LRMDA: variants seen among roughly 807,000 people sequenced by gnomAD.
LRMDA encodes the protein leucine-rich melanocyte differentiation-associated protein.
A neutral mutation model predicts 29.8 loss-of-function variants in LRMDA; 18 were observed. The ratio of observed to expected loss-of-function variants is 0.60; its 90% confidence interval spans 0.42 to 0.90. The LOEUF (loss-of-function observed/expected upper bound fraction) is 0.90. Ranked by LOEUF, LRMDA falls within the 40% of genes least tolerant of loss-of-function variation. LRMDA has a pLI of 0.00. For synonymous variants in LRMDA, 125 were observed against 109.4 expected (o/e 1.14, Z -0.89); for missense variants, 273 against 273.9 (o/e 1.00, Z 0.02).
chr10:75,981,313 C>T (rs1024020233), intron 2 of LRMDA, among the ~76,000 whole-genome samples: 5 of 152,196 alleles, frequency 3.3e-5, no homozygotes, highest in African/African-American at 1.2e-4. Flanking sequence ...TTATTGGGCT[C>T]TACTCTCTGC....
At chr10:75,506,841 G>C (rs766537816) in intron 2 of LRMDA, among the ~76,000 whole-genome samples, 2 of 152,196 alleles carry the variant, frequency 1.3e-5, no homozygotes, top group Non-Finnish European at 2.9e-5. Flanking sequence ...GTTGTTGTGG[G>C]AGGTTCTCTC....
chr10:76,509,908 G>A (rs1186544033), intron 6 of LRMDA, among the ~76,000 whole-genome samples: 1 of 152,188 alleles, frequency 6.6e-6, no homozygotes, highest in Non-Finnish European at 1.5e-5. Context: ...CTGAGAGCCT[G>A]GGCTGCCAAG....
At chr10:76,268,320 TCTC>T (rs1293856710) in intron 5 of LRMDA, among the ~76,000 whole-genome samples, 9 of 152,332 alleles carry the variant, frequency 5.9e-5, no homozygotes, top group Middle Eastern at 6.8e-3. Flanking sequence ...AAGTAGATCA[TCTC>T]CTCCTGTTGC....
chr10:75,516,555 T>A (rs1352781032), intron 2 of LRMDA, among the ~76,000 whole-genome samples: 1 of 151,644 alleles, frequency 6.6e-6, no homozygotes, highest in African/African-American at 2.4e-5. Flanking sequence ...GGGGTTGTTT[T>A]TTTTCTTGTT....
chr10:75,697,265 T>C (rs1842246786), intron 2 of LRMDA, among the ~76,000 whole-genome samples: 1 of 152,168 alleles, frequency 6.6e-6, no homozygotes, highest in South Asian at 2.1e-4. Flanking sequence ...CTAATTTGTC[T>C]GTTTCAGTAG....
chr10:75,747,631 G>A (rs985358845), intron 2 of LRMDA, among the ~76,000 whole-genome samples: 1 of 152,158 alleles, frequency 6.6e-6, no homozygotes, highest in African/African-American at 2.4e-5. Context: ...ATCTTGGAAT[G>A]CTGTATCCTT....
intron 6 of LRMDA, among the ~76,000 whole-genome samples, chr10:76,460,703 A>G (rs1453354061): frequency 1.3e-5 from 2 of 152,214 alleles, no homozygotes; most frequent in African/African-American, 4.8e-5. Flanking sequence ...GAAACGTAGA[A>G]GGGTGGATGG....
intron 5 of LRMDA, among the ~76,000 whole-genome samples, chr10:76,307,337 T>C (rs1475258924): frequency 6.6e-6 from 1 of 152,180 alleles, no homozygotes; most frequent in Non-Finnish European, 1.5e-5. Context: ...ATTGAGCCAC[T>C]GCATAATGAG....
chr10:76,061,148 A>G (rs566416894), intron 5 of LRMDA, among the ~76,000 whole-genome samples: 9 of 152,360 alleles, frequency 5.9e-5, no homozygotes, highest in African/African-American at 1.7e-4. Context: ...CAGATCAGAT[A>G]AAGAAAATGT....
At chr10:76,291,200 G>A in intron 5 of LRMDA, among the ~76,000 whole-genome samples, 1 of 152,150 alleles carries the variant, frequency 6.6e-6, no homozygotes, top group East Asian at 1.9e-4. Context: ...TTGTCTGTCT[G>A]CTGTCTTCAC....
intron 2 of LRMDA, among the ~76,000 whole-genome samples, chr10:75,636,845 CT>C (rs879617653): frequency 1.3e-3 from 187 of 144,752 alleles, no homozygotes; most frequent in Middle Eastern, 3.6e-3. Context: ...TTGGCAAAGA[CT>C]TTTTTTTTTT....
chr10:75,775,759 T>G (rs944576460), intron 2 of LRMDA, among the ~76,000 whole-genome samples: 1 of 152,224 alleles, frequency 6.6e-6, no homozygotes, highest in Admixed American at 6.5e-5. Context: ...CTTATGGCAT[T>G]GTCCAAGGTA....
chr10:76,533,719 G>A (rs926585966), intron 6 of LRMDA, among the ~76,000 whole-genome samples: 1 of 152,138 alleles, frequency 6.6e-6, no homozygotes, highest in Non-Finnish European at 1.5e-5. Flanking sequence ...AGTTATTTAA[G>A]TATTCCTGAG....
At chr10:76,179,512 G>A (rs560194793) in intron 5 of LRMDA, among the ~76,000 whole-genome samples, 3 of 152,212 alleles carry the variant, frequency 2.0e-5, no homozygotes, top group Non-Finnish European at 4.4e-5. Context: ...ATGGCTGGGA[G>A]GATCGGGAGC....
In LRMDA at chr10:75,605,349, T is replaced by G. The variant is rs531539703; in HGVS notation, c.131+166855T>G. On this transcript the variant is annotated intron_variant, in intron 2 of 6. Transcript: ENST00000611255. Reference sequence around the variant, plus strand: ...AGACAGTCTGTTCCACACTGTAGTTTACACCAGTCTTCAGTCAAGAGTCAG... The same window carrying G: ...AGACAGTCTGTTCCACACTGTAGTTGACACCAGTCTTCAGTCAAGAGTCAG... 4.8e-4 allele frequency among the ~76,000 whole-genome samples: 73 copies of G among 152,320 alleles called. No individual in the cohort carries two copies. The Middle Eastern group carries it at 0.01, about 21-fold the overall frequency.
At chr10:75,578,234 A>AAAAAAAAAAAAG in intron 2 of LRMDA, among the ~76,000 whole-genome samples, 1 of 147,578 alleles carries the variant, frequency 6.8e-6, no homozygotes, top group Non-Finnish European at 1.5e-5. Flanking sequence ...AAAAAAAAAA[A>AAAAAAAAAAAAG]AAAAAGCAGC....
At chr10:75,726,138 T>G (rs1842628413) in intron 2 of LRMDA, among the ~76,000 whole-genome samples, 1 of 152,204 alleles carries the variant, frequency 6.6e-6, no homozygotes, top group Admixed American at 6.5e-5. Context: ...AAAGATGCCC[T>G]GTATGTGGAA....
chr10:76,042,212 G>A (rs142814639), intron 3 of LRMDA, among the ~76,000 whole-genome samples: 79 of 152,312 alleles, frequency 5.2e-4, no homozygotes, highest in African/African-American at 1.8e-3. Context: ...GGGAGGAGGT[G>A]CTAGTGCTTC....
At chr10:75,980,605 C>T (rs1282858236) in intron 2 of LRMDA, among the ~76,000 whole-genome samples, 1 of 152,070 alleles carries the variant, frequency 6.6e-6, no homozygotes, top group East Asian at 1.9e-4. Flanking sequence ...TGAACATGAG[C>T]AGCATGATGC....
Sources: gnomAD v4.1 joint callset for allele counts (sites outside exome capture counted in the v4.1 genomes callset) on GRCh38, gnomAD v4.1.1 for gene constraint, MANE v1.5 for transcripts, NCBI Gene and HGNC (gene_info 2026-07-23, HGNC 2026-07-21) for gene names.